Variants in DGKD observed in about 807,000 individuals in gnomAD.
The protein encoded by DGKD is DAG kinase delta.
In DGKD, 68 loss-of-function variants were observed where a neutral mutation model predicts 154.4. The observed-to-expected ratio is 0.44, with a 90% confidence interval of 0.36 to 0.54. The LOEUF is 0.54. Among genes scored for constraint, DGKD ranks in the 20% least tolerant of loss-of-function variants. The pLI is 0.00. For missense variants in DGKD, 1,343 were observed against 1,593.6 expected, an observed-to-expected ratio of 0.84 and a Z score of 2.68; for synonymous variants, 693 against 638.0, an observed-to-expected ratio of 1.09 and a Z score of -1.30.
chr2:233,398,388 G>T (rs140725786), intron 3 of DGKD, among the ~76,000 whole-genome samples: 2,532 of 151,954 alleles, frequency 0.017, 33 homozygotes, highest in African/African-American at 0.039. Context: ...CTCGTGATCC[G>T]CCGGCCTCAG....
At chr2:233,360,273 C>G (rs1434718581) in intron 1 of DGKD, among the ~76,000 whole-genome samples, 1 of 151,442 alleles carries the variant, frequency 6.6e-6, no homozygotes, top group Admixed American at 6.6e-5. Context: ...AATTTTTTTT[C>G]TTTTTTTCTG....
intron 3 of DGKD, among the ~76,000 whole-genome samples, chr2:233,413,106 T>TA (rs2061867335): frequency 6.6e-6 from 1 of 151,906 alleles, no homozygotes; most frequent in South Asian, 2.1e-4. Flanking sequence ...CTTTAAAAAA[T>TA]AGAGAGTCAG....
rs1056685742 is a variant in DGKD at position 233,450,046 on chromosome 2, A to G, written c.1953A>G (p.Ser651=). Residue 651 remains serine (S), a synonymous_variant, in exon 16 of 30, where the codon TCA becomes TCG. Coordinates refer to ENST00000264057, the MANE Select transcript of DGKD (RefSeq NM_152879.3). ...QEGFVLGLSE[S]EEKMDHRVCP... ...GCTTCGTCCTGGGCCTCTCTGAGTCAGAGGAGAAGATGGACCACAGAGTGT... is the reference window on the plus strand; with the variant it reads ...GCTTCGTCCTGGGCCTCTCTGAGTCGGAGGAGAAGATGGACCACAGAGTGT... 6.2e-7 allele frequency: 1 copy of G among 1,613,978 alleles called. No individual in the cohort carries two copies. Among genetic ancestry groups the G allele is most frequent in the African/African-American group, 1.3e-5 (1 of 75,056 alleles).
At chr2:233,468,721 C>T (rs1440199390) in intron 29 of DGKD, among the ~76,000 whole-genome samples, 168 bp downstream of exon 29, 1 of 152,192 alleles carries the variant, frequency 6.6e-6, no homozygotes, top group Non-Finnish European at 1.5e-5. Flanking sequence ...GCAGTGATGG[C>T]TCCACCCACC....
intron 3 of DGKD, among the ~76,000 whole-genome samples, chr2:233,394,945 A>C (rs1196959886): frequency 1.3e-5 from 2 of 151,622 alleles, no homozygotes; most frequent in African/African-American, 4.8e-5. Flanking sequence ...GCCCCAAGTG[A>C]TCTGTCTTGG....
At position 233,388,316 on chromosome 2, in the gene DGKD, G is replaced by T; in HGVS notation, c.216G>T (p.Arg72Ser). 1 of 1,614,152 alleles carries T rather than the reference G, an allele frequency of 6.2e-7. No individual in the cohort carries two copies. Among genetic ancestry groups the T allele is most frequent in the Non-Finnish European group, 8.5e-7 (1 of 1,180,032 alleles). ...KQNNSFQRSK[R>S]RYFKLRGRTL... Reference sequence around the variant, plus strand: ...ACAATTCATTCCAGCGATCAAAAAGGAGATACTTTAAGCTTCGAGGGCGAA... The same window carrying T: ...ACAATTCATTCCAGCGATCAAAAAGTAGATACTTTAAGCTTCGAGGGCGAA... The change falls in exon 2 of 30, where the codon AGG becomes AGT. Residue 72 changes from arginine (R) to serine (S), a missense_variant. By Grantham distance (110) the Arg-to-Ser change is moderately radical. This residue lies in a region of DGKD where 332 missense variants were observed against 400.1 expected (regional missense o/e 0.83). Coordinates refer to ENST00000264057, the MANE Select transcript of DGKD (RefSeq NM_152879.3).
chr2:233,456,470 C>T (rs1435352691), intron 19 of DGKD, among the ~76,000 whole-genome samples: 3 of 152,168 alleles, frequency 2.0e-5, no homozygotes, highest in South Asian at 2.1e-4. Flanking sequence ...GTCATTAGCA[C>T]GTGTGGAGGG....
chr2:233,401,357 T>C (rs2061553664), intron 3 of DGKD, among the ~76,000 whole-genome samples: 1 of 152,218 alleles, frequency 6.6e-6, no homozygotes, highest in Non-Finnish European at 1.5e-5. Context: ...TATTATATCA[T>C]TTGGTATGTG....
intron 3 of DGKD, among the ~76,000 whole-genome samples, chr2:233,404,093 A>G (rs1235098946): frequency 1.3e-5 from 2 of 151,698 alleles, no homozygotes; most frequent in Non-Finnish European, 3.0e-5. Context: ...TTGTGTTTAC[A>G]TGTGTTATAT....
chr2:233,445,498 G>A lies in DGKD; in HGVS notation c.1195-125G>A. 2 of 1,384,850 alleles carry A rather than the reference G, an allele frequency of 1.4e-6. No homozygotes were observed. Among genetic ancestry groups the A allele is most frequent in the South Asian group, 3.2e-5 (2 of 62,846 alleles). 85.8% of individuals were successfully genotyped at this position (1,384,850 alleles called of 1,614,324 possible). A position where few individuals can be genotyped will look rare whatever the true frequency, so the allele number is the denominator to read the frequency against. On this transcript the variant is annotated intron_variant, in intron 10 of 29. Transcript: ENST00000264057. This position sits in a 1 kb window ranked among gnomAD's most constrained non-coding sequence, Gnocchi z 5.5. ...CTGCCTGTAATGTGTAAGCTGCGTGGTTTTAGGTCACGTCCCCACATTGCT... is the reference window on the plus strand; with the variant it reads ...CTGCCTGTAATGTGTAAGCTGCGTGATTTTAGGTCACGTCCCCACATTGCT...
rs1179410083 is a variant in DGKD at position 233,469,263 on chromosome 2, T to C, written c.3556-108T>C. ...ACCGTTTTTGTCATTTTGGCTCTCA[T>C]TTGTGTTCACAAGCCGAATGGGAAG... On this transcript the variant is annotated intron_variant, in intron 29 of 29. Transcript: ENST00000264057. 4.3e-6 allele frequency: 4 copies of C among 931,402 alleles called. No individual in the cohort carries two copies. In the Admixed American group the frequency reaches 8.7e-5, roughly 20 times the overall value. The allele number at this position is 931,402 out of a possible 1,614,324, so 57.7% of individuals were successfully genotyped here.
chr2:233,458,156 AGTGCAGT>A lies in DGKD; in HGVS notation c.2581-127_2581-121del. On this transcript the variant is annotated intron_variant, in intron 21 of 29. Coordinates refer to ENST00000264057, the MANE Select transcript of DGKD (RefSeq NM_152879.3). This position sits in a 1 kb window ranked among gnomAD's most constrained non-coding sequence, Gnocchi z 6.6. ...GGCCTGCAACATGAAGCCCGTCAGG[AGTGCAGT>A]TACCTGGTAACTTCTCGCCAGCTAG... The A allele has an allele frequency of 1.7e-6, 1 of 572,542 alleles. No individual in the cohort carries two copies. The highest frequency in any genetic ancestry group is 2.8e-5 in the East Asian group (1 of 35,166). 35.5% of individuals were successfully genotyped at this position (572,542 alleles called of 1,614,324 possible).
intron 3 of DGKD, among the ~76,000 whole-genome samples, chr2:233,414,070 TA>T: frequency 6.6e-6 from 1 of 152,294 alleles, no homozygotes; most frequent in Non-Finnish European, 1.5e-5. Context: ...TGACCTTGTA[TA>T]TGATTCCCTG....
chr2:233,450,184 A>G lies in DGKD; in HGVS notation c.2038+53A>G, dbSNP rs2063227919. Reference sequence around the variant, plus strand: ...CACCGTCGTGTGCTTGGTTTTGGTGAGACGTAGCGGGCTTGCCAGGGGAGG... The same window carrying G: ...CACCGTCGTGTGCTTGGTTTTGGTGGGACGTAGCGGGCTTGCCAGGGGAGG... On this transcript the variant is annotated intron_variant, in intron 16 of 29. Transcript: ENST00000264057. 2.0e-6 allele frequency: 3 copies of G among 1,528,896 alleles called. No individual in the cohort carries two copies. In the Admixed American group the frequency reaches 6.2e-5, roughly 32 times the overall value. The allele number at this position is 1,528,896 out of a possible 1,614,324, so 94.7% of individuals were successfully genotyped here. A position where few individuals can be genotyped will look rare whatever the true frequency, so the allele number is the denominator to read the frequency against.
At chr2:233,421,990 G>A (rs1559527037) in intron 3 of DGKD, among the ~76,000 whole-genome samples, 1 of 152,212 alleles carries the variant, frequency 6.6e-6, no homozygotes, top group African/African-American at 2.4e-5. Context: ...AGGTTGGGGG[G>A]ATGGGACAAT....
At chr2:233,357,371 T>C (rs1004872593) in intron 1 of DGKD, among the ~76,000 whole-genome samples, 3 of 152,088 alleles carry the variant, frequency 2.0e-5, no homozygotes, top group Non-Finnish European at 4.4e-5. Context: ...AAGTCAGAGC[T>C]GTCTTAATGA....
In DGKD at chr2:233,357,450, G is replaced by C. The variant is rs115098379; in HGVS notation, c.156+2776G>C. Among the ~76,000 whole-genome samples the C allele has an allele frequency of 4.5e-3, 678 of 152,240 alleles. 6 individuals carry two copies. The highest frequency in any genetic ancestry group is 0.015 in the African/African-American group (640 of 41,534). ...TTTTAATGTGCAGACACATCTCCTA[G>C]GGATCCTGTTAAAATGATGATTATG... On this transcript the variant is annotated intron_variant, in intron 1 of 29. Coordinates refer to ENST00000264057, the MANE Select transcript of DGKD (RefSeq NM_152879.3).
intron 1 of DGKD, among the ~76,000 whole-genome samples, chr2:233,380,954 A>G (rs1702870123): frequency 1.3e-5 from 2 of 152,082 alleles, no homozygotes; most frequent in Non-Finnish European, 2.9e-5. Flanking sequence ...GTGGCAGTGC[A>G]TTGAAAACCA....
rs1434543709 is a variant in DGKD at position 233,456,929 on chromosome 2, A to T, written c.2406A>T (p.Gly802=). ...GAACCAAGAACATGATGTGGTATGG[A>T]GTTCTTGGAACCAAAGAGTTGCTGC... ...RSRTKNMMWY[G]VLGTKELLHR... is the part of the protein sequence containing the mutation. Residue 802 remains glycine, a synonymous_variant, in exon 20 of 30, where the codon GGA becomes GGT. Coordinates refer to ENST00000264057, the MANE Select transcript of DGKD (RefSeq NM_152879.3). 1.4e-5 allele frequency: 22 copies of T among 1,614,180 alleles called. No individual in the cohort carries two copies. Among genetic ancestry groups the T allele is most frequent in the Non-Finnish European group, 1.8e-5 (21 of 1,179,998 alleles).
Sources: gnomAD v4.1 joint callset for allele counts (sites outside exome capture counted in the v4.1 genomes callset) on GRCh38, gnomAD v4.1.1 for gene constraint, gnomAD v4.1.1 regional missense constraint, Gnocchi (gnomAD v3.1) non-coding constraint, MANE v1.5 for transcripts, NCBI Gene and HGNC (gene_info 2026-07-23, HGNC 2026-07-21) for gene names.